BIRC6: variants seen among roughly 807,000 people sequenced by gnomAD.
The protein encoded by BIRC6 is dual E2 ubiquitin-conjugating enzyme/E3 ubiquitin-protein ligase BIRC6.
In BIRC6, 98 loss-of-function variants were observed where a neutral mutation model predicts 503.3. The ratio of observed to expected loss-of-function variants is 0.19; its 90% CI spans 0.17 to 0.23. The LOEUF (loss-of-function observed/expected upper bound fraction) is 0.23. BIRC6 is among the 10% of genes least tolerant of loss of function. The pLI, the probability that BIRC6 is intolerant of heterozygous loss-of-function variation, is 1.00. For missense variants in BIRC6, 5,360 were observed against 5,806.0 expected, an observed-to-expected ratio of 0.92 and a Z score of 2.50; for synonymous variants, 2,240 against 2,078.7, an observed-to-expected ratio of 1.08 and a Z score of -2.11.
At chr2:32,512,904 G>C in intron 53 of BIRC6, 29 bp from the exon 54 acceptor site, 1 of 1,584,890 alleles carries the variant, frequency 6.3e-7, no homozygotes, top group East Asian at 2.2e-5. Flanking sequence ...TATATAGTTG[G>C]TTATATGAAT....
rs768227113 is a variant in BIRC6, at chr2:32,469,608, A to G, written c.6341A>G (p.Gln2114Arg). The change falls in exon 30 of 74, where the codon CAG becomes CGG. Residue 2114 changes from glutamine (Q) to arginine (R), a missense_variant. Physicochemically the swap from Gln to Arg is conservative, Grantham distance 43. This residue lies in a region of BIRC6 where 2,299 missense variants were observed against 2,267.2 expected (regional missense o/e 1.01). Transcript: ENST00000421745. ...YNSEQLLIFP[Q>R]DRVFMLLSCI... Reference sequence around the variant, plus strand: ...TCGGAACAGCTTCTCATCTTTCCACAGGATAGGTAGGTCAGAAAATGTTGG... The same window carrying G: ...TCGGAACAGCTTCTCATCTTTCCACGGGATAGGTAGGTCAGAAAATGTTGG... The G allele has an allele frequency of 1.2e-6, 2 of 1,605,842 alleles. No homozygotes were observed. Among genetic ancestry groups the G allele is most frequent in the Non-Finnish European group, 1.7e-6 (2 of 1,175,054 alleles).
intron 45 of BIRC6, among the ~76,000 whole-genome samples, chr2:32,498,060 ATTTC>A (rs1249019259): frequency 6.6e-6 from 1 of 151,996 alleles, no homozygotes; most frequent in Non-Finnish European, 1.5e-5. Flanking sequence ...TTATAACTGA[ATTTC>A]TTATTTATTT....
At chr2:32,451,907 G>A (rs538516089) in intron 22 of BIRC6, among the ~76,000 whole-genome samples, 3 of 152,226 alleles carry the variant, frequency 2.0e-5, no homozygotes, top group South Asian at 4.1e-4. Flanking sequence ...TCAACATTTG[G>A]AATATTTGTA....
intron 65 of BIRC6, among the ~76,000 whole-genome samples, chr2:32,555,412 G>A (rs867824291): frequency 4.6e-5 from 7 of 151,980 alleles, no homozygotes; most frequent in African/African-American, 1.2e-4. Context: ...AGGCCGACCC[G>A]GGCAGATCAT....
intron 65 of BIRC6, among the ~76,000 whole-genome samples, chr2:32,573,698 T>C (rs932354203): frequency 6.6e-6 from 1 of 152,228 alleles, no homozygotes; most frequent in African/African-American, 2.4e-5. Context: ...AATACAAAAT[T>C]CATTTGATTT....
chr2:32,405,965 G>C (rs1441499938), intron 8 of BIRC6, among the ~76,000 whole-genome samples: 3 of 152,050 alleles, frequency 2.0e-5, no homozygotes, highest in African/African-American at 7.2e-5. Flanking sequence ...CCCTATTTCA[G>C]TTAGGCATTT....
chr2:32,528,382 C>T (rs949769311), intron 59 of BIRC6: 1 of 152,300 alleles, frequency 6.6e-6, no homozygotes, highest in Non-Finnish European at 1.5e-5. Flanking sequence ...CACCACCACG[C>T]CTGGCTAATT....
chr2:32,606,771 C>T (rs957588541), intron 71 of BIRC6, among the ~76,000 whole-genome samples: 5 of 151,872 alleles, frequency 3.3e-5, no homozygotes, highest in South Asian at 2.1e-4. Context: ...TTTGGGAGGC[C>T]GAGGCAGGCA....
rs542930045 is a variant in BIRC6, at chr2:32,377,761, G to A, written c.499G>A (p.Val167Ile). The change falls in exon 2 of 74, where the codon GTT (valine) becomes ATT (isoleucine). Residue 167 changes from valine (V) to isoleucine (I), a missense_variant. Val to Ile is a conservative substitution (Grantham distance 29). Coordinates refer to ENST00000421745, the MANE Select transcript of BIRC6 (RefSeq NM_016252.4). ...QDDVVQLELP[V>I]TEAQQLLSAC... ...TGATGTGGTTCAGCTTGAATTACCC[G>A]TTACAGAGGTAAGTTGAAATAAGTA... is the stretch of plus-strand genomic sequence containing the variant. 228 of 1,610,642 alleles carry A rather than the reference G, an allele frequency of 1.4e-4. No homozygotes were observed. The highest frequency in any genetic ancestry group is 2.7e-4 in the Admixed American group (16 of 59,286).
chr2:32,452,613 G>A (rs1431335677), intron 22 of BIRC6, among the ~76,000 whole-genome samples: 1 of 152,032 alleles, frequency 6.6e-6, no homozygotes, highest in Non-Finnish European at 1.5e-5. Flanking sequence ...CACTTCAAGG[G>A]AGCAAATGTA....
intron 70 of BIRC6, among the ~76,000 whole-genome samples, chr2:32,600,133 C>T (rs188010877): frequency 3.3e-5 from 5 of 152,224 alleles, no homozygotes; most frequent in Admixed American, 1.3e-4. Flanking sequence ...GGGGACTTAA[C>T]GTAAAGTTCT....
chr2:32,588,973 C>T (rs1238107780), intron 66 of BIRC6, among the ~76,000 whole-genome samples: 1 of 152,064 alleles, frequency 6.6e-6, no homozygotes, highest in African/African-American at 2.4e-5. Context: ...AAAATATAGC[C>T]ATAGTAGTTT....
At chr2:32,455,195 A>G (rs1307660375) in intron 23 of BIRC6, among the ~76,000 whole-genome samples, 2 of 151,828 alleles carry the variant, frequency 1.3e-5, no homozygotes, top group African/African-American at 4.8e-5. Context: ...TGGCTAACAC[A>G]GTGAAACCCC....
intron 71 of BIRC6, among the ~76,000 whole-genome samples, chr2:32,606,876 A>C (rs545731092): frequency 4.1e-4 from 63 of 152,064 alleles, no homozygotes; most frequent in African/African-American, 1.5e-3. Context: ...GCGTGGTGGC[A>C]GGCATCTGTA....
intron 61 of BIRC6, chr2:32,532,134 C>CGTGGGTGTGTGTGT: frequency 2.2e-6 from 1 of 448,340 alleles, no homozygotes; most frequent in African/African-American, 2.4e-5. Context: ...GATTTCATGT[C>CGTGGGTGTGTGTGT]GTGTGTGTGT....
intron 8 of BIRC6, 76 bp from the exon 9 acceptor site, chr2:32,406,417 AACTGTT>A (rs1227498151): frequency 2.8e-5 from 30 of 1,068,680 alleles, no homozygotes; most frequent in Non-Finnish European, 3.9e-5. Context: ...CCACAAAACC[AACTGTT>A]CTTTTTTCTT....
intron 2 of BIRC6, 121 bp downstream of exon 2, chr2:32,377,890 T>G: frequency 1.2e-6 from 1 of 814,672 alleles, no homozygotes; most frequent in Non-Finnish European, 1.8e-6. Context: ...TAAAAACAAT[T>G]TACTTATTGA....
In BIRC6 at chr2:32,535,116, G is replaced by A. The variant is rs550476066; in HGVS notation, c.12291+3565G>A. Among the ~76,000 whole-genome samples the A allele has an allele frequency of 1.4e-3, 171 of 119,654 alleles. 2 individuals carry two copies. Among genetic ancestry groups the A allele is most frequent in the Middle Eastern group, 6.2e-3 (1 of 162 alleles). The allele number at this position is 119,654 out of a possible 152,430, so 78.5% of individuals were successfully genotyped here. ...GAGCCCACGGGTTCCAGACCACCTG[G>A]GCAACATAACAAGACCTCATACCCC... On this transcript the variant is annotated intron_variant, in intron 61 of 73. Coordinates refer to ENST00000421745, the MANE Select transcript of BIRC6 (RefSeq NM_016252.4).
At chr2:32,365,455 G>C (rs1418601046) in intron 1 of BIRC6, among the ~76,000 whole-genome samples, 1 of 152,054 alleles carries the variant, frequency 6.6e-6, no homozygotes, top group Non-Finnish European at 1.5e-5. Context: ...GAATAGTTGG[G>C]ATTACAGGCG....
Sources: gnomAD v4.1 joint callset for allele counts (sites outside exome capture counted in the v4.1 genomes callset) on GRCh38, gnomAD v4.1.1 for gene constraint, gnomAD v4.1.1 regional missense constraint, MANE v1.5 for transcripts, NCBI Gene and HGNC (gene_info 2026-07-23, HGNC 2026-07-21) for gene names.